Variants in TNKS2 observed in about 807,000 individuals in gnomAD.
TNKS2 encodes poly [ADP-ribose] polymerase tankyrase-2.
A neutral mutation model predicts 137.6 loss-of-function variants in TNKS2; 72 were observed. That is an observed-to-expected ratio of 0.52 (90% CI 0.43 to 0.64). The LOEUF (loss-of-function observed/expected upper bound fraction) is 0.64. Ranked by LOEUF, TNKS2 falls within the 30% of genes least tolerant of loss-of-function variation. The pLI is 0.00. For missense variants in TNKS2, 1,049 were observed against 1,410.2 expected (o/e 0.74, Z 4.10); for synonymous variants, 516 against 512.1 (o/e 1.01, Z -0.10).
intron 18 of TNKS2, among the ~76,000 whole-genome samples, chr10:91,847,489 C>T (rs980345519): frequency 4.6e-5 from 7 of 152,170 alleles, no homozygotes; most frequent in Middle Eastern, 3.4e-3. Context: ...CTCAGCCTCC[C>T]GAGTAGCTGG....
chr10:91,805,932 A>G (rs867258253), intron 1 of TNKS2, among the ~76,000 whole-genome samples: 11 of 152,298 alleles, frequency 7.2e-5, no homozygotes, highest in African/African-American at 2.4e-4. Flanking sequence ...GTGATCAGCA[A>G]TGCCCAGGAA....
rs777703630 is a variant in TNKS2 at position 91,862,086 on chromosome 10, C to G, written c.3369C>G (p.His1123Gln). ...MKMAHSPPGH[H>Q]SVTGRPSVNG... Reference sequence around the variant, plus strand: ...TGGCACATTCTCCTCCAGGTCATCACTCAGTCACTGGTAGGCCCAGTGTAA... The same window carrying G: ...TGGCACATTCTCCTCCAGGTCATCAGTCAGTCACTGGTAGGCCCAGTGTAA... Residue 1123 changes from histidine to glutamine, a missense_variant, in exon 26 of 27, where the codon CAC (histidine) becomes CAG (glutamine). Physicochemically the swap from His to Gln is conservative, Grantham distance 24. This residue lies in a region of TNKS2 where 133 missense variants were observed against 248.4 expected (regional missense o/e 0.54). Coordinates refer to ENST00000371627, the MANE Select transcript of TNKS2 (RefSeq NM_025235.4). 1 of 1,613,360 alleles carries G rather than the reference C, an allele frequency of 6.2e-7. No individual in the cohort carries two copies. The highest frequency in any genetic ancestry group is 8.5e-7 in the Non-Finnish European group (1 of 1,179,532).
chr10:91,828,689 A>C (rs1163342730), intron 9 of TNKS2, among the ~76,000 whole-genome samples: 1 of 152,238 alleles, frequency 6.6e-6, no homozygotes, highest in African/African-American at 2.4e-5. Context: ...TGATACATAT[A>C]GTTTGCCTTT....
Position 91,813,122 on chromosome 10 carries a change from T to A in TNKS2, c.339T>A (p.His113Gln), listed in dbSNP as rs570890751. 6.2e-7 allele frequency: 1 copy of A among 1,614,176 alleles called. No individual in the cohort carries two copies. Residue 113 changes from histidine to glutamine, a missense_variant, in exon 2 of 27, where the codon CAT becomes CAA. Transcript: ENST00000371627. ...HAEVVNLLLR[H>Q]GADPNARDNW... is the part of the protein sequence containing the mutation. ...AAGTAGTCAATCTCCTTTTGCGACA[T>A]GGTGCAGACCCCAATGCTCGAGATA... is the stretch of plus-strand genomic sequence containing the variant.
chr10:91,862,883 T>G (rs2133689373), intron 26 of TNKS2, 54 bp from the exon 27 acceptor site: 1 of 1,340,456 alleles, frequency 7.5e-7, no homozygotes, highest in East Asian at 2.3e-5. Flanking sequence ...GAAAGTCTGT[T>G]TATCTTTCAA....
chr10:91,810,759 C>T (rs887416145), intron 1 of TNKS2, among the ~76,000 whole-genome samples: 50 of 151,218 alleles, frequency 3.3e-4, no homozygotes, highest in East Asian at 2.4e-3. Context: ...CCACCCGCCT[C>T]GGCCTCCCAA....
At chr10:91,812,625 T>C (rs1300798019) in intron 1 of TNKS2, 1 of 269,420 alleles carries the variant, frequency 3.7e-6, no homozygotes, top group Non-Finnish European at 5.7e-6. Flanking sequence ...TTAAGTTTTA[T>C]ACTTTGAACA....
chr10:91,836,492 G>GA lies in TNKS2; in HGVS notation c.1448-421dup, dbSNP rs796552267. On this transcript the variant is annotated intron_variant, in intron 12 of 26. Transcript: ENST00000371627. ...TAGTCTACCTTATGTCTTTAGAACT[G>GA]AAAAAATCTGAGAACCAGGAAGTTC... 5.3e-5 allele frequency: 16 copies of GA among 302,136 alleles called. No individual in the cohort carries two copies. The East Asian group carries it at 1.0e-3, about 19-fold the overall frequency. 18.7% of individuals were successfully genotyped at this position (302,136 alleles called of 1,614,324 possible). A position where few individuals can be genotyped will look rare whatever the true frequency, so the allele number is the denominator to read the frequency against.
At chr10:91,826,409 A>G (rs1564613894) in intron 7 of TNKS2, among the ~76,000 whole-genome samples, 1 of 152,218 alleles carries the variant, frequency 6.6e-6, no homozygotes, top group Non-Finnish European at 1.5e-5. Flanking sequence ...ATATATGTAT[A>G]CTGTGAAATA....
rs774894239 is a variant in TNKS2, at chr10:91,819,507, G to A, written c.583G>A (p.Ala195Thr). The part of the protein sequence containing the change: ...ARSGNEEKMM[A>T]LLTPLNVNCH... The stretch of plus-strand genomic sequence containing the variant: ...GAGTGGCAATGAAGAAAAAATGATG[G>A]CTCTACTCACACCATTAAATGTCAA... Residue 195 changes from alanine (A) to threonine (T), a missense_variant, in exon 5 of 27, where the codon GCT becomes ACT. Coordinates refer to ENST00000371627, the MANE Select transcript of TNKS2 (RefSeq NM_025235.4). The A allele has an allele frequency of 1.2e-5, 19 of 1,592,502 alleles. No homozygotes were observed. Among genetic ancestry groups the A allele is most frequent in the Non-Finnish European group, 1.5e-5 (18 of 1,174,234 alleles).
intron 23 of TNKS2, among the ~76,000 whole-genome samples, chr10:91,856,717 A>G (rs1355045566): frequency 6.6e-6 from 1 of 152,186 alleles, no homozygotes; most frequent in African/African-American, 2.4e-5. Context: ...TAATGCATAA[A>G]TGAGATCTAT....
chr10:91,822,206 A>T (rs1045155469), intron 6 of TNKS2, 90 bp from the exon 7 acceptor site: 1 of 994,180 alleles, frequency 1.0e-6, no homozygotes, highest in Non-Finnish European at 1.5e-6. Flanking sequence ...CTATTTAAGT[A>T]TAAGTAATTA....
At chr10:91,827,382 G>C (rs1022098403) in intron 8 of TNKS2, among the ~76,000 whole-genome samples, 179 bp downstream of exon 8, 7 of 152,274 alleles carry the variant, frequency 4.6e-5, no homozygotes, top group Admixed American at 2.0e-4. Flanking sequence ...GCTATGAAAA[G>C]AAAATATGTT....
chr10:91,836,034 A>AT (rs777452772), intron 12 of TNKS2, among the ~76,000 whole-genome samples: 3,508 of 53,560 alleles, frequency 0.065, 707 homozygotes, highest in African/African-American at 0.21. Context: ...TGTGTGTGTA[A>AT]TTTTTTTTTT....
rs553837935 is a variant in TNKS2, at chr10:91,831,467, A to G, written c.1275+286A>G. On this transcript the variant is annotated intron_variant, in intron 11 of 26. Transcript: ENST00000371627. The stretch of plus-strand genomic sequence containing the variant: ...TTCTTAAGGACTTTTCTGACCTATC[A>G]TCTTTTCTAATCGTCTTTTCTCACC... Among the ~76,000 whole-genome samples the G allele has an allele frequency of 5.9e-5, 9 of 152,166 alleles. No individual in the cohort carries two copies. The South Asian group carries it at 1.7e-3, about 28-fold the overall frequency.
intron 6 of TNKS2, among the ~76,000 whole-genome samples, chr10:91,821,211 T>C (rs1844880115): frequency 6.6e-6 from 1 of 152,018 alleles, no homozygotes; most frequent in South Asian, 2.1e-4. Context: ...CTAATTTTCA[T>C]ATTTTTAGTA....
intron 1 of TNKS2, among the ~76,000 whole-genome samples, chr10:91,804,075 G>A (rs533653025): frequency 3.5e-4 from 54 of 152,240 alleles, no homozygotes; most frequent in African/African-American, 1.2e-3. Flanking sequence ...GTCATAGTTA[G>A]CAAGCAGTAC....
Position 91,831,027 on chromosome 10 carries a change from T to C in TNKS2, c.1196+13T>C, listed in dbSNP as rs756319191. ...AAAAGACTAAAGAGTAAGTATACAT[T>C]TAATGATTAAATATCATTGAGATTT... On this transcript the variant is annotated intron_variant, in intron 10 of 26. Transcript: ENST00000371627. 5 of 1,612,510 alleles carry C rather than the reference T, an allele frequency of 3.1e-6. No homozygotes were observed. The Admixed American group carries it at 6.7e-5, about 22-fold the overall frequency.
chr10:91,844,597 A>ACC (rs1842308685), intron 16 of TNKS2, among the ~76,000 whole-genome samples: 2 of 152,308 alleles, frequency 1.3e-5, no homozygotes, highest in African/African-American at 4.8e-5. Flanking sequence ...CTTTGGTAGG[A>ACC]AGGTTTTCAT....
Sources: allele counts gnomAD v4.1 joint callset (sites outside exome capture counted in the v4.1 genomes callset), GRCh38; gene constraint gnomAD v4.1.1; regional missense constraint gnomAD v4.1.1; transcripts MANE v1.5; gene names NCBI Gene and HGNC (gene_info 2026-07-23, HGNC 2026-07-21).